The following TMEM132E variants were observed in gnomAD, a reference collection of about 807,000 sequenced individuals.
The protein encoded by TMEM132E is transmembrane protein 132E.
Under a neutral mutation model 78.5 loss-of-function variants are expected in TMEM132E, and 49 were observed. The ratio of observed to expected loss-of-function variants is 0.62; its 90% CI spans 0.50 to 0.79. The LOEUF (loss-of-function observed/expected upper bound fraction) is 0.79. Among genes scored for constraint, TMEM132E ranks in the 30% least tolerant of loss-of-function variants. The pLI is 0.00. For missense variants in TMEM132E, 1,403 were observed against 1,470.9 expected (o/e 0.95, Z 0.75); for synonymous variants, 715 against 670.6 (o/e 1.07, Z -1.02).
intron 7 of TMEM132E, 90 bp downstream of exon 7, chr17:34,635,177 C>A (rs539035447): frequency 6.8e-5 from 96 of 1,413,884 alleles, no homozygotes; most frequent in Middle Eastern, 2.5e-4. Context: ...CTAACCCCAA[C>A]TGGCCCCCAG....
chr17:34,603,969 C>A (rs1906325883), intron 1 of TMEM132E, among the ~76,000 whole-genome samples: 1 of 152,176 alleles, frequency 6.6e-6, no homozygotes, highest in South Asian at 2.1e-4. Flanking sequence ...TACCTAGAAG[C>A]CACATCAGGA....
rs1419085986 is a variant in TMEM132E at position 34,639,194 on chromosome 17, G to GC, written c.*966dup. 3 of 152,450 alleles carry GC rather than the reference G, an allele frequency of 2.0e-5. No individual in the cohort carries two copies. Among genetic ancestry groups the GC allele is most frequent in the African/African-American group, 7.3e-5 (3 of 41,372 alleles). 9.4% of individuals were successfully genotyped at this position (152,450 alleles called of 1,614,324 possible). On this transcript the variant is annotated 3_prime_UTR_variant, in exon 9 of 9. Coordinates refer to ENST00000631683, the MANE Select transcript of TMEM132E (RefSeq NM_001304438.2). ...GCAAATGCAGAAGGGAGCCAGTGTCGCCCCTACCCCATCCCACAGCCATTT... is the reference window on the plus strand; with the variant it reads ...GCAAATGCAGAAGGGAGCCAGTGTCGCCCCCTACCCCATCCCACAGCCATTT...
Position 34,632,770 on chromosome 17 carries a change from G to A in TMEM132E, c.1549G>A (p.Val517Ile), listed in dbSNP as rs1907391403. 1 of 1,614,184 alleles carries A rather than the reference G, an allele frequency of 6.2e-7. No individual in the cohort carries two copies. Among genetic ancestry groups the A allele is most frequent in the Non-Finnish European group, 8.5e-7 (1 of 1,180,038 alleles). ...KESRGSMNARVTFRYDVLNAP... is the reference protein window; with the variant it reads ...KESRGSMNARITFRYDVLNAP... Reference sequence around the variant, plus strand: ...GTCTCGAGGGTCCATGAACGCCAGGGTCACCTTCCGCTACGACGTCCTCAA... The same window carrying A: ...GTCTCGAGGGTCCATGAACGCCAGGATCACCTTCCGCTACGACGTCCTCAA... The change falls in exon 6 of 9, where the codon GTC becomes ATC. Residue 517 changes from valine (V) to isoleucine (I), a missense_variant. By Grantham distance (29) the Val-to-Ile change is conservative (BLOSUM62 3). Coordinates refer to ENST00000631683, the MANE Select transcript of TMEM132E (RefSeq NM_001304438.2).
At chr17:34,622,635 C>T (rs1195501196) in intron 1 of TMEM132E, among the ~76,000 whole-genome samples, 1 of 152,200 alleles carries the variant, frequency 6.6e-6, no homozygotes, top group East Asian at 1.9e-4. Flanking sequence ...TTGGATGCCC[C>T]ATTGACAAGG....
intron 1 of TMEM132E, among the ~76,000 whole-genome samples, chr17:34,600,069 T>A (rs1906186569): frequency 6.6e-6 from 1 of 152,236 alleles, no homozygotes; most frequent in East Asian, 1.9e-4. Context: ...GTATGTCCTA[T>A]TTTTAAATGA....
At chr17:34,635,242 C>T (rs1907482770) in intron 7 of TMEM132E, among the ~76,000 whole-genome samples, 155 bp downstream of exon 7, 1 of 152,190 alleles carries the variant, frequency 6.6e-6, no homozygotes, top group African/African-American at 2.4e-5. Context: ...GCTCTTTTAG[C>T]TTCATCTTGG....
Position 34,580,891 on chromosome 17 carries a change from A to G in TMEM132E, c.-186A>G. 2.2e-6 allele frequency: 1 copy of G among 458,752 alleles called. No individual in the cohort carries two copies. Among genetic ancestry groups the G allele is most frequent in the Non-Finnish European group, 3.9e-6 (1 of 259,260 alleles). The allele number at this position is 458,752 out of a possible 1,614,324, so 28.4% of individuals were successfully genotyped here. On this transcript the variant is annotated 5_prime_UTR_variant, in exon 1 of 9. Coordinates refer to ENST00000631683, the MANE Select transcript of TMEM132E (RefSeq NM_001304438.2). ...GCGCCCCCACCGGCTCCGAGGGTGT[A>G]GCCGCCAGCGCCTGGGACGCCCCCT...
At chr17:34,619,273 T>A (rs940101451) in intron 1 of TMEM132E, among the ~76,000 whole-genome samples, 1 of 151,650 alleles carries the variant, frequency 6.6e-6, no homozygotes, top group Non-Finnish European at 1.5e-5. Context: ...TCGGGGTACT[T>A]GTCATCATTA....
chr17:34,618,864 G>A (rs1007703013), intron 1 of TMEM132E, among the ~76,000 whole-genome samples: 1 of 152,238 alleles, frequency 6.6e-6, no homozygotes, highest in African/African-American at 2.4e-5. Flanking sequence ...CGGCCCTGGA[G>A]AGCAGAAATG....
intron 2 of TMEM132E, among the ~76,000 whole-genome samples, chr17:34,628,059 G>A (rs1907215250): frequency 6.6e-6 from 1 of 152,164 alleles, no homozygotes; most frequent in South Asian, 2.1e-4. Context: ...AGGTGATTCA[G>A]AACTATGGCA....
chr17:34,582,168 G>T (rs1905512213), intron 1 of TMEM132E, among the ~76,000 whole-genome samples: 1 of 151,414 alleles, frequency 6.6e-6, no homozygotes, highest in South Asian at 2.1e-4. Flanking sequence ...GGGGGCGGGG[G>T]TGTTTCGATG....
In TMEM132E at chr17:34,581,124, C is replaced by T. The variant is rs980897965; in HGVS notation, c.48C>T (p.Leu16=). The T allele has an allele frequency of 2.6e-6, 4 of 1,525,950 alleles. No individual in the cohort carries two copies. Among genetic ancestry groups the T allele is most frequent in the Middle Eastern group, 1.7e-4 (1 of 5,956 alleles). The allele number at this position is 1,525,950 out of a possible 1,614,324, so 94.5% of individuals were successfully genotyped here. A position where few individuals can be genotyped will look rare whatever the true frequency, so the allele number is the denominator to read the frequency against. The part of the protein sequence containing the change: ...SGRGGAALLC[L]SALLAHASGR... Reference sequence around the variant, plus strand: ...GCGGCGGCGCCGCCCTGCTCTGCCTCTCAGCGCTACTCGCCCACGGTAAGT... The same window carrying T: ...GCGGCGGCGCCGCCCTGCTCTGCCTTTCAGCGCTACTCGCCCACGGTAAGT... Residue 16 remains leucine, a synonymous_variant, in exon 1 of 9, where the codon CTC becomes CTT. Coordinates refer to ENST00000631683, the MANE Select transcript of TMEM132E (RefSeq NM_001304438.2).
Position 34,581,051 on chromosome 17 carries a change from G to A in TMEM132E, c.-26G>A. The A allele has an allele frequency of 2.6e-6, 4 of 1,534,936 alleles. No individual in the cohort carries two copies. Among genetic ancestry groups the A allele is most frequent in the Non-Finnish European group, 3.5e-6 (4 of 1,146,520 alleles). On this transcript the variant is annotated 5_prime_UTR_variant, in exon 1 of 9. Transcript: ENST00000631683. ...AGTCGTCGTCGACTGTTGCTCTCTC[G>A]GACCCCTCCCGCCCCCGCCTCGGCC...
chr17:34,603,405 A>G (rs527339825), intron 1 of TMEM132E, among the ~76,000 whole-genome samples: 1 of 152,252 alleles, frequency 6.6e-6, no homozygotes, highest in Non-Finnish European at 1.5e-5. Flanking sequence ...GGCTCCCCAC[A>G]GCTAGCACCC....
chr17:34,584,680 A>T (rs1386007849), intron 1 of TMEM132E, among the ~76,000 whole-genome samples: 1 of 152,150 alleles, frequency 6.6e-6, no homozygotes, highest in Non-Finnish European at 1.5e-5. Context: ...GCATCAGTTG[A>T]AAAGGGAGCT....
intron 2 of TMEM132E, among the ~76,000 whole-genome samples, chr17:34,627,990 T>G (rs766840498): frequency 6.6e-6 from 1 of 152,204 alleles, no homozygotes; most frequent in Non-Finnish European, 1.5e-5. Flanking sequence ...GCAGCTGAAG[T>G]GTCGTATTTA....
At chr17:34,625,664 G>A (rs1907093552) in intron 1 of TMEM132E, among the ~76,000 whole-genome samples, 1 of 150,836 alleles carries the variant, frequency 6.6e-6, no homozygotes, top group South Asian at 2.1e-4. Flanking sequence ...CCCACACGGA[G>A]CGCAGTGCAG....
intron 1 of TMEM132E, among the ~76,000 whole-genome samples, chr17:34,619,121 A>C (rs539866300): frequency 2.2e-4 from 34 of 152,352 alleles, no homozygotes; most frequent in Middle Eastern, 6.8e-3. Context: ...TGGCCTCTTC[A>C]TCATGGACCA....
chr17:34,585,452 G>A (rs1034529956), intron 1 of TMEM132E, among the ~76,000 whole-genome samples: 1 of 152,158 alleles, frequency 6.6e-6, no homozygotes, highest in African/African-American at 2.4e-5. Context: ...GTGTAGTAGC[G>A]GGCAGGGTCT....
Sources: allele counts gnomAD v4.1 joint callset (sites outside exome capture counted in the v4.1 genomes callset), GRCh38; gene constraint gnomAD v4.1.1; transcripts MANE v1.5; gene names NCBI Gene and HGNC (gene_info 2026-07-23, HGNC 2026-07-21).